The following QRICH2 variants were observed in gnomAD, a reference collection of about 807,000 sequenced individuals.
QRICH2 encodes glutamine rich 2, also known as glutamine-rich protein 2.
A neutral mutation model predicts 168.3 loss-of-function variants in QRICH2; 119 were observed. The ratio of observed to expected loss-of-function variants is 0.71; its 90% CI spans 0.61 to 0.82. The LOEUF is 0.82. QRICH2 is among the 40% of genes least tolerant of loss of function. The pLI, the probability that QRICH2 is intolerant of heterozygous loss-of-function variation, is 0.00. For missense variants in QRICH2, 2,241 were observed against 2,491.6 expected, an observed-to-expected ratio of 0.90 and a Z score of 2.14; for synonymous variants, 894 against 951.2, an observed-to-expected ratio of 0.94 and a Z score of 1.11.
In QRICH2 at chr17:76,307,582, C is replaced by A; in HGVS notation, c.417G>T (p.Gly139=). 1 of 1,564,688 alleles carries A rather than the reference C, an allele frequency of 6.4e-7. No individual in the cohort carries two copies. Among genetic ancestry groups the A allele is most frequent in the Non-Finnish European group, 8.7e-7 (1 of 1,154,572 alleles). ...GCCACTCTAGCGCGGCCAGGTCAAGCCCGCTGGCCTGGGAGAAGTGCTGCA... is the reference window on the plus strand; with the variant it reads ...GCCACTCTAGCGCGGCCAGGTCAAGACCGCTGGCCTGGGAGAAGTGCTGCA... ...THVQHFSQAS[G]LDLAALEWPE... The change falls in exon 1 of 19, where the codon GGG becomes GGT. Residue 139 remains glycine (G), a synonymous_variant. Coordinates refer to ENST00000680821, the MANE Select transcript of QRICH2 (RefSeq NM_001388453.1). The surrounding 1 kb of genome is among the most constrained non-coding windows in gnomAD (Gnocchi z 5.3).
chr17:76,279,355 G>C lies in QRICH2; in HGVS notation c.4814+8C>G, dbSNP rs755268156. The C allele has an allele frequency of 6.2e-7, 1 of 1,610,642 alleles. No homozygotes were observed. Among genetic ancestry groups the C allele is most frequent in the South Asian group, 1.1e-5 (1 of 90,518 alleles). Reference sequence around the variant, plus strand: ...GCGAGGCCACGTGCCGGCGGTGTGGGCACTCACTGTCCAGTCACAGGTGTC... The same window carrying C: ...GCGAGGCCACGTGCCGGCGGTGTGGCCACTCACTGTCCAGTCACAGGTGTC... On this transcript the variant is annotated splice_region_variant and intron_variant, in intron 13 of 18. Transcript: ENST00000680821.
chr17:76,304,037 C>G (rs544330842), intron 3 of QRICH2, among the ~76,000 whole-genome samples: 131 of 152,230 alleles, frequency 8.6e-4, no homozygotes, highest in Middle Eastern at 6.8e-3. Context: ...AAACTACACT[C>G]AGGTACGATT....
chr17:76,277,060 AGGCAGAG>A (rs2076524699), intron 16 of QRICH2, 96 bp downstream of exon 16: 1 of 1,279,124 alleles, frequency 7.8e-7, no homozygotes, highest in Admixed American at 2.7e-5. Flanking sequence ...AATTGCCTCA[AGGCAGAG>A]GGCTGGCTGA....
Position 76,291,891 on chromosome 17 carries a change from CACCAGG to C in QRICH2, c.2830_2835del (p.Pro944_Gly945del). ...GATTGAGATAAATCATGCAAATATG[CACCAGG>C]TTGTACCAAACCAAGAGGATAGGCA... is the stretch of plus-strand genomic sequence containing the variant. On this transcript the variant is annotated inframe_deletion, in exon 4 of 19. Transcript: ENST00000680821. The C allele has an allele frequency of 6.2e-7, 1 of 1,614,192 alleles. No individual in the cohort carries two copies. The highest frequency in any genetic ancestry group is 8.5e-7 in the Non-Finnish European group (1 of 1,180,038).
Position 76,308,062 on chromosome 17 carries a change from G to A in QRICH2, c.-64C>T. 1 of 1,229,938 alleles carries A rather than the reference G, an allele frequency of 8.1e-7. No homozygotes were observed. The highest frequency in any genetic ancestry group is 3.2e-5 in the East Asian group (1 of 31,532). 76.2% of individuals were successfully genotyped at this position (1,229,938 alleles called of 1,614,324 possible). On this transcript the variant is annotated 5_prime_UTR_variant, in exon 1 of 19. Coordinates refer to ENST00000680821, the MANE Select transcript of QRICH2 (RefSeq NM_001388453.1). ...GCCAACCACTTCCCGCTCACTGCAC[G>A]CCGCGCCTTGGGGCCTTTCGGGGGC...
chr17:76,285,931 G>A (rs1269078301), intron 7 of QRICH2, among the ~76,000 whole-genome samples: 2 of 152,114 alleles, frequency 1.3e-5, no homozygotes, highest in Non-Finnish European at 2.9e-5. Flanking sequence ...CCAGCACTTT[G>A]GGAGGCCAAG....
intron 5 of QRICH2, among the ~76,000 whole-genome samples, chr17:76,288,383 T>TAAAAAAAA (rs770162922): frequency 1.0e-4 from 4 of 39,248 alleles, no homozygotes; most frequent in Admixed American, 3.6e-4. Flanking sequence ...GAATCAGTCT[T>TAAAAAAAA]AAAAAAAAAA....
chr17:76,287,696 A>AGT (rs2070915920), intron 6 of QRICH2, 104 bp downstream of exon 6: 7 of 815,590 alleles, frequency 8.6e-6, no homozygotes, highest in Non-Finnish European at 1.5e-5. Context: ...GGTCAAAGAC[A>AGT]GTGGTCCATT....
At position 76,293,720 on chromosome 17, in the gene QRICH2, T is replaced by G; in HGVS notation, c.1007A>C (p.Lys336Thr). 1 of 1,614,140 alleles carries G rather than the reference T, an allele frequency of 6.2e-7. No individual in the cohort carries two copies. The highest frequency in any genetic ancestry group is 1.3e-5 in the African/African-American group (1 of 75,024). The part of the protein sequence containing the change: ...RLHQSSTFQF[K>T]SDSDRHRSRE... ...ACTCCTGTGACGATCTGAGTCTGATTTGAATTGGAATGTAGAAGACTGATG... is the reference window on the plus strand; with the variant it reads ...ACTCCTGTGACGATCTGAGTCTGATGTGAATTGGAATGTAGAAGACTGATG... Residue 336 changes from lysine to threonine, a missense_variant, in exon 4 of 19, where the codon AAA (lysine) becomes ACA (threonine). By Grantham distance (78) the Lys-to-Thr change is moderately conservative (BLOSUM62 -1). Transcript: ENST00000680821.
intron 14 of QRICH2, 56 bp downstream of exon 14, chr17:76,278,985 C>T: frequency 7.0e-7 from 1 of 1,435,254 alleles, no homozygotes; most frequent in Non-Finnish European, 9.7e-7. Context: ...CCTGCCTTCC[C>T]CATCCAGAGC....
At chr17:76,284,584 C>T (rs1018042634) in intron 7 of QRICH2, among the ~76,000 whole-genome samples, 2 of 151,318 alleles carry the variant, frequency 1.3e-5, no homozygotes, top group African/African-American at 2.4e-5. Flanking sequence ...TTTGGGAGAC[C>T]GAGGCGGGTG....
intron 18 of QRICH2, among the ~76,000 whole-genome samples, chr17:76,274,503 G>A (rs1172746500): frequency 6.6e-6 from 1 of 152,178 alleles, no homozygotes; most frequent in Non-Finnish European, 1.5e-5. Context: ...CCTTCTGCAG[G>A]AGCCAAGAGC....
chr17:76,302,976 C>T (rs912230188), intron 3 of QRICH2, among the ~76,000 whole-genome samples: 10 of 151,940 alleles, frequency 6.6e-5, no homozygotes, highest in African/African-American at 2.4e-4. Flanking sequence ...CTCCGCCTCC[C>T]GAGTTCAAGC....
At chr17:76,298,567 C>T (rs1036333208) in intron 3 of QRICH2, among the ~76,000 whole-genome samples, 4 of 152,026 alleles carry the variant, frequency 2.6e-5, no homozygotes, top group Admixed American at 6.6e-5. Context: ...GCACTTCTCC[C>T]GCCTTGACTT....
chr17:76,285,412 G>A (rs947171733), intron 7 of QRICH2, among the ~76,000 whole-genome samples: 72 of 152,012 alleles, frequency 4.7e-4, no homozygotes, highest in African/African-American at 1.6e-3. Flanking sequence ...GATTACAGGC[G>A]TGAGCCACCA....
rs981626513 is a variant in QRICH2, at chr17:76,308,022, C to T, written c.-24G>A. 8.1e-6 allele frequency: 10 copies of T among 1,231,626 alleles called. No homozygotes were observed. Among genetic ancestry groups the T allele is most frequent in the Non-Finnish European group, 1.0e-5 (10 of 987,686 alleles). The allele number at this position is 1,231,626 out of a possible 1,614,324, so 76.3% of individuals were successfully genotyped here. A position where few individuals can be genotyped will look rare whatever the true frequency, so the allele number is the denominator to read the frequency against. ...ATCGTGGCTGTCAGGAGCTGTGCGC[C>T]GCCGCGGGGCGCCGGCCAACCACTT... On this transcript the variant is annotated 5_prime_UTR_variant, in exon 1 of 19. Coordinates refer to ENST00000680821, the MANE Select transcript of QRICH2 (RefSeq NM_001388453.1).
chr17:76,276,013 G>T (rs1307645630), intron 17 of QRICH2, 66 bp from the exon 18 acceptor site: 5 of 1,575,210 alleles, frequency 3.2e-6, no homozygotes, highest in East Asian at 2.3e-5. Context: ...GGAACCCCTG[G>T]GGGTGGGGAG....
rs750507403 is a variant in QRICH2, at chr17:76,280,098, C to G, written c.4683G>C (p.Ser1561=). The G allele has an allele frequency of 1.2e-6, 2 of 1,613,772 alleles. No homozygotes were observed. The highest frequency in any genetic ancestry group is 1.7e-6 in the Non-Finnish European group (2 of 1,180,006). Residue 1561 remains serine (S), a synonymous_variant, in exon 12 of 19, where the codon TCG becomes TCC. Coordinates refer to ENST00000680821, the MANE Select transcript of QRICH2 (RefSeq NM_001388453.1). This position sits in a 1 kb window ranked among gnomAD's most constrained non-coding sequence, Gnocchi z 7.4. ...VKQLLEDRWK[S]LRQQLRERPP... is the part of the protein sequence containing the mutation. ...GGCGCTCCCTGAGCTGCTGTCGCAG[C>G]GATTTCCACCGATCCTCCAGCAACT...
chr17:76,293,241 C>G lies in QRICH2; in HGVS notation c.1486G>C (p.Val496Leu), dbSNP rs1347264579. 3 of 1,613,962 alleles carry G rather than the reference C, an allele frequency of 1.9e-6. No homozygotes were observed. The highest frequency in any genetic ancestry group is 2.5e-6 in the Non-Finnish European group (3 of 1,180,048). ...EPLGMDQRGCVISGMGQQGLV... is the reference protein window; with the variant it reads ...EPLGMDQRGCLISGMGQQGLV... ...CCTTGCTGACCCATGCCTGATATTA[C>G]ACATCCACGCTGATCCATGCCAAGT... Residue 496 changes from valine to leucine, a missense_variant, in exon 4 of 19, where the codon GTA becomes CTA. Val to Leu is a conservative substitution (Grantham distance 32). Transcript: ENST00000680821.
Sources: allele counts gnomAD v4.1 joint callset (sites outside exome capture counted in the v4.1 genomes callset), GRCh38; gene constraint gnomAD v4.1.1; non-coding constraint Gnocchi (gnomAD v3.1); transcripts MANE v1.5; gene names NCBI Gene and HGNC (gene_info 2026-07-23, HGNC 2026-07-21).